The following LONP2 variants were observed in gnomAD, a reference collection of about 807,000 sequenced individuals.
The protein encoded by LONP2 is lon peptidase 2, peroxisomal, also known as lon protease homolog 2, peroxisomal.
Under a neutral mutation model 85.6 loss-of-function variants are expected in LONP2, and 60 were observed. That is an observed-to-expected ratio of 0.70 (90% confidence interval 0.57 to 0.87). The LOEUF is 0.87. Among genes scored for constraint, LONP2 ranks in the 40% least tolerant of loss-of-function variants. The pLI, the probability that LONP2 is intolerant of heterozygous loss-of-function variation, is 0.00. For missense variants in LONP2, 860 were observed against 1,063.5 expected, an observed-to-expected ratio of 0.81 and a Z score of 2.66; for synonymous variants, 395 against 389.7, an observed-to-expected ratio of 1.01 and a Z score of -0.16.
Position 48,355,451 on chromosome 16 carries a change from C to G in LONP2, c.*3649C>G, listed in dbSNP as rs568837399. On this transcript the variant is annotated 3_prime_UTR_variant, in exon 15 of 15. Coordinates refer to ENST00000285737, the MANE Select transcript of LONP2 (RefSeq NM_031490.5). ...GATACCAGTCTGCCAGCACGCTGATCGTGGGCTTCTCAGTCTTCACAACTA... is the reference window on the plus strand; with the variant it reads ...GATACCAGTCTGCCAGCACGCTGATGGTGGGCTTCTCAGTCTTCACAACTA... 1 of 152,182 alleles carries G rather than the reference C, an allele frequency of 6.6e-6. No homozygotes were observed. Among genetic ancestry groups the G allele is most frequent in the African/African-American group, 2.4e-5 (1 of 41,446 alleles). 9.4% of individuals were successfully genotyped at this position (152,182 alleles called of 1,614,324 possible).
At chr16:48,244,688 C>G (rs919352181) in intron 1 of LONP2, 67 bp downstream of exon 1, 31 of 1,140,364 alleles carry the variant, frequency 2.7e-5, no homozygotes, top group Non-Finnish European at 3.3e-5. Context: ...GGGCCCAGGC[C>G]ACGGCCTGCC....
In LONP2 at chr16:48,308,582, G is replaced by A. The variant is rs561162035; in HGVS notation, c.1795+5277G>A. Among the ~76,000 whole-genome samples the A allele has an allele frequency of 6.0e-5, 9 of 150,296 alleles. No homozygotes were observed. In the South Asian group the frequency reaches 6.3e-4, roughly 11 times the overall value. ...GCGGATGGTGCAGTGAGCCGAGATC[G>A]CGCCATTGCACTCCAGTGTAGGGGT... On this transcript the variant is annotated intron_variant, in intron 11 of 14. Coordinates refer to ENST00000285737, the MANE Select transcript of LONP2 (RefSeq NM_031490.5).
At position 48,283,476 on chromosome 16, in the gene LONP2, T is replaced by C. The variant is rs566784745; in HGVS notation, c.1383+5997T>C. Among the ~76,000 whole-genome samples the C allele has an allele frequency of 9.2e-5, 14 of 152,266 alleles. No homozygotes were observed. In the East Asian group the frequency reaches 2.5e-3, roughly 27 times the overall value. On this transcript the variant is annotated intron_variant, in intron 8 of 14. Transcript: ENST00000285737. ...GACTTTAAGATGAAGCCAGTGCTCATTGACCATTCTGAAAACCCTAAGGCC... is the reference window on the plus strand; with the variant it reads ...GACTTTAAGATGAAGCCAGTGCTCACTGACCATTCTGAAAACCCTAAGGCC...
At chr16:48,357,720 T>C (rs4467074), downstream of LONP2, among the ~76,000 whole-genome samples, 1,114 of 152,330 alleles carry the variant, frequency 7.3e-3, 17 homozygotes, top group African/African-American at 0.026. Flanking sequence ...CAGATGTTTC[T>C]AAATATGAAG....
intron 1 of LONP2, among the ~76,000 whole-genome samples, chr16:48,249,797 A>G (rs902655307): frequency 5.3e-5 from 8 of 152,240 alleles, no homozygotes; most frequent in Admixed American, 1.3e-4. Flanking sequence ...TAAGGCATGT[A>G]TACATCTGTA....
At chr16:48,312,075 G>T (rs1164186572) in intron 11 of LONP2, among the ~76,000 whole-genome samples, 12 of 151,896 alleles carry the variant, frequency 7.9e-5, no homozygotes, top group African/African-American at 2.7e-4. Context: ...TGAGTAGCTG[G>T]GATTACAAGC....
intron 4 of LONP2, among the ~76,000 whole-genome samples, chr16:48,259,084 T>C (rs983910884): frequency 1.3e-5 from 2 of 152,224 alleles, no homozygotes; most frequent in Non-Finnish European, 2.9e-5. Flanking sequence ...AATACAAAAC[T>C]CTTTCTTAAA....
intron 7 of LONP2, among the ~76,000 whole-genome samples, chr16:48,273,080 G>C (rs1167275591): frequency 6.6e-6 from 1 of 152,162 alleles, no homozygotes; most frequent in Non-Finnish European, 1.5e-5. Flanking sequence ...CATGCTCACA[G>C]TTAGAGTTCA....
intron 7 of LONP2, among the ~76,000 whole-genome samples, chr16:48,276,682 T>C (rs1021431889): frequency 1.3e-5 from 2 of 152,226 alleles, no homozygotes; most frequent in East Asian, 3.8e-4. Context: ...TGAACGTGGT[T>C]ATTGCCAATT....
intron 11 of LONP2, among the ~76,000 whole-genome samples, chr16:48,331,172 G>A (rs1226398110): frequency 6.6e-6 from 1 of 152,202 alleles, no homozygotes; most frequent in African/African-American, 2.4e-5. Flanking sequence ...CCTTAGACAG[G>A]TAGTGCTTTT....
rs1404889648 is a variant in LONP2, at chr16:48,355,946, T to A, written c.*4144T>A. The A allele has an allele frequency of 1.3e-5, 2 of 151,950 alleles. No homozygotes were observed. Among genetic ancestry groups the A allele is most frequent in the Non-Finnish European group, 2.9e-5 (2 of 68,040 alleles). The allele number at this position is 151,950 out of a possible 1,614,324, so 9.4% of individuals were successfully genotyped here. A position where few individuals can be genotyped will look rare whatever the true frequency, so the allele number is the denominator to read the frequency against. ...TTCTCAAGTATTAAAACTAAAAGCT[T>A]TAGGTGCTTTGCTTATCAAGAAATC... On this transcript the variant is annotated 3_prime_UTR_variant, in exon 15 of 15. Coordinates refer to ENST00000285737, the MANE Select transcript of LONP2 (RefSeq NM_031490.5).
chr16:48,272,754 C>A (rs9936498), intron 7 of LONP2, among the ~76,000 whole-genome samples: 1,986 of 152,262 alleles, frequency 0.013, 45 homozygotes, highest in African/African-American at 0.046. Flanking sequence ...TGATTAACTA[C>A]TATAGCAACC....
rs757595568 is a variant in LONP2, at chr16:48,258,740, G to T, written c.723G>T (p.Arg241Ser). The T allele has an allele frequency of 8.6e-5, 137 of 1,585,960 alleles. No homozygotes were observed. Among genetic ancestry groups the T allele is most frequent in the Non-Finnish European group, 9.4e-5 (110 of 1,169,896 alleles). Residue 241 changes from arginine to serine, a missense_variant and splice_region_variant, in exon 4 of 15, where the codon AGG (arginine) becomes AGT (serine). Arg to Ser is a moderately radical substitution (Grantham distance 110). Coordinates refer to ENST00000285737, the MANE Select transcript of LONP2 (RefSeq NM_031490.5). ...TRKPKQDDDK[R>S]VIAIRPIRRI... ...AACCCAAGCAAGATGATGATAAGAG[G>T]GTAAATATTTATTTTAACCCATTTC...
downstream of LONP2, among the ~76,000 whole-genome samples, chr16:48,358,748 G>A (rs970168598): frequency 2.2e-4 from 34 of 152,182 alleles, no homozygotes; most frequent in Non-Finnish European, 2.9e-4. Context: ...TTGAGCCCAG[G>A]AGTTTGAGGC....
intron 12 of LONP2, 99 bp downstream of exon 12, chr16:48,334,457 G>T: frequency 7.0e-7 from 1 of 1,418,480 alleles, no homozygotes; most frequent in South Asian, 1.2e-5. Flanking sequence ...CTGCCCTTTG[G>T]GGAAGGAATA....
chr16:48,342,761 C>T (rs1959852762), intron 12 of LONP2, among the ~76,000 whole-genome samples: 1 of 152,224 alleles, frequency 6.6e-6, no homozygotes, highest in Non-Finnish European at 1.5e-5. Flanking sequence ...AGTACTAAGA[C>T]TTTAAAGAAG....
At position 48,244,329 on chromosome 16, in the gene LONP2, G is replaced by A; in HGVS notation, c.-60G>A. 3.1e-6 allele frequency: 4 copies of A among 1,292,182 alleles called. No individual in the cohort carries two copies. The highest frequency in any genetic ancestry group is 4.1e-6 in the Non-Finnish European group (4 of 967,088). 80.0% of individuals were successfully genotyped at this position (1,292,182 alleles called of 1,614,324 possible). A position where few individuals can be genotyped will look rare whatever the true frequency, so the allele number is the denominator to read the frequency against. ...CTGAGGTTTGGTGACTGCGGGGCAG[G>A]CCGGGGGCAGCTGTCTGTCTGGCTC... On this transcript the variant is annotated 5_prime_UTR_variant, in exon 1 of 15. Coordinates refer to ENST00000285737, the MANE Select transcript of LONP2 (RefSeq NM_031490.5).
Position 48,352,211 on chromosome 16 carries a change from G to A in LONP2, c.*409G>A. On this transcript the variant is annotated 3_prime_UTR_variant, in exon 15 of 15. Transcript: ENST00000285737. The stretch of plus-strand genomic sequence containing the variant: ...AAGAAGCCTTCCAGGTAATTCTGCT[G>A]CACACTCAAGTTCAGGAACCACCGG... 5.2e-6 allele frequency: 1 copy of A among 193,240 alleles called. No individual in the cohort carries two copies. The highest frequency in any genetic ancestry group is 1.1e-5 in the Non-Finnish European group (1 of 92,378). The allele number at this position is 193,240 out of a possible 1,614,324, so 12.0% of individuals were successfully genotyped here.
intron 11 of LONP2, among the ~76,000 whole-genome samples, chr16:48,317,841 T>A (rs1050953185): frequency 6.6e-6 from 1 of 152,212 alleles, no homozygotes; most frequent in African/African-American, 2.4e-5. Context: ...AAGCTTTGGC[T>A]GGCTAGACCA....
Sources: gnomAD v4.1 joint callset for allele counts (sites outside exome capture counted in the v4.1 genomes callset) on GRCh38, gnomAD v4.1.1 for gene constraint, MANE v1.5 for transcripts, NCBI Gene and HGNC (gene_info 2026-07-23, HGNC 2026-07-21) for gene names.